Variants in NCALD observed in about 807,000 individuals in gnomAD.
NCALD encodes neurocalcin delta.
A neutral mutation model predicts 18.6 loss-of-function variants in NCALD; 10 were observed. The ratio of observed to expected loss-of-function variants is 0.54; its 90% CI spans 0.33 to 0.91. NCALD has a LOEUF of 0.91. Ranked by LOEUF, NCALD falls within the 40% of genes least tolerant of loss-of-function variation. The pLI is 0.03. For synonymous variants in NCALD, 88 were observed against 87.4 expected (o/e 1.01, Z -0.04); for missense variants, 184 against 247.6 (o/e 0.74, Z 1.72).
At chr8:101,922,342 T>G (rs1353918801) in intron 2 of NCALD, among the ~76,000 whole-genome samples, 1 of 152,172 alleles carries the variant, frequency 6.6e-6, no homozygotes, top group East Asian at 1.9e-4. Flanking sequence ...GTAAGACAAC[T>G]GGGTGAGACC....
chr8:101,795,931 A>C (rs74912450), upstream of NCALD, among the ~76,000 whole-genome samples: 2 of 152,218 alleles, frequency 1.3e-5, no homozygotes, highest in African/African-American at 4.8e-5. Context: ...CCTAAACGGC[A>C]TAAGACAAGA....
intron 2 of NCALD, among the ~76,000 whole-genome samples, chr8:101,916,576 G>A (rs1817977564): frequency 6.6e-6 from 1 of 152,140 alleles, no homozygotes; most frequent in African/African-American, 2.4e-5. Flanking sequence ...GCAGAGAGTA[G>A]CAAGTTGGAT....
At chr8:101,870,278 G>A (rs778717265) in intron 4 of NCALD, among the ~76,000 whole-genome samples, 26 of 152,226 alleles carry the variant, frequency 1.7e-4, no homozygotes, top group East Asian at 9.6e-4. Flanking sequence ...TGTTAGAAAC[G>A]AGTATTTCAG....
At chr8:101,865,127 T>C (rs1294475907) in intron 4 of NCALD, among the ~76,000 whole-genome samples, 2 of 152,192 alleles carry the variant, frequency 1.3e-5, no homozygotes, top group South Asian at 2.1e-4. Context: ...TCTAAGATTA[T>C]GTGCATAAAT....
intron 2 of NCALD, among the ~76,000 whole-genome samples, chr8:101,959,950 C>T (rs751610712): frequency 3.3e-5 from 5 of 149,686 alleles, no homozygotes; most frequent in Admixed American, 6.8e-5. Context: ...TGGGCTCCAA[C>T]GTCCTTCCTG....
rs952658389 is a variant in NCALD, at chr8:101,692,172, C to T, written c.484+619G>A. 6.1e-6 allele frequency: 6 copies of T among 985,304 alleles called. No homozygotes were observed. The Admixed American group carries it at 3.7e-4, about 61-fold the overall frequency. The allele number at this position is 985,304 out of a possible 1,614,324, so 61.0% of individuals were successfully genotyped here. A position where few individuals can be genotyped will look rare whatever the true frequency, so the allele number is the denominator to read the frequency against. ...ATTTAAGATCTAAAATCCTTCTGTT[C>T]TTAAGTTGGAAATGCAACCTTCTTT... On this transcript the variant is annotated intron_variant, in intron 3 of 3. Coordinates refer to ENST00000220931, the MANE Select transcript of NCALD (RefSeq NM_032041.3).
intron 2 of NCALD, among the ~76,000 whole-genome samples, chr8:101,970,919 G>C (rs1820216146): frequency 6.6e-6 from 1 of 152,150 alleles, no homozygotes; most frequent in African/African-American, 2.4e-5. Flanking sequence ...ATGGGGACAG[G>C]TCTCTTATGA....
At chr8:101,788,441 T>C (rs1410538502) in intron 1 of NCALD, among the ~76,000 whole-genome samples, 1 of 152,214 alleles carries the variant, frequency 6.6e-6, no homozygotes, top group East Asian at 1.9e-4. Context: ...ACAGTTGTTG[T>C]AGATATCCTG....
At chr8:102,024,920 T>C (rs1015614896) in intron 1 of NCALD, among the ~76,000 whole-genome samples, 1 of 152,200 alleles carries the variant, frequency 6.6e-6, no homozygotes, top group Non-Finnish European at 1.5e-5. Flanking sequence ...CCTTGTCAAG[T>C]TGCTTTGTTT....
chr8:102,088,555 GAAA>G (rs201483363), intron 1 of NCALD, among the ~76,000 whole-genome samples: 1 of 139,122 alleles, frequency 7.2e-6, no homozygotes, highest in African/African-American at 2.6e-5. Context: ...TGTTTTCGGG[GAAA>G]AAAAAAAAAA....
At chr8:102,067,889 A>G (rs1824059370) in intron 1 of NCALD, among the ~76,000 whole-genome samples, 1 of 152,090 alleles carries the variant, frequency 6.6e-6, no homozygotes, top group African/African-American at 2.4e-5. Context: ...TTCCTGGTCT[A>G]ATACAATTAT....
intron 4 of NCALD, among the ~76,000 whole-genome samples, chr8:101,845,653 C>A (rs950017822): frequency 5.9e-5 from 9 of 152,236 alleles, no homozygotes; most frequent in African/African-American, 2.2e-4. Context: ...TCACCTCCAA[C>A]ATTTATCATT....
intron 2 of NCALD, among the ~76,000 whole-genome samples, chr8:101,929,244 A>C (rs1054267846): frequency 7.1e-5 from 6 of 84,188 alleles, no homozygotes; most frequent in Non-Finnish European, 1.3e-4. Flanking sequence ...GAGGAGGAGG[A>C]GGAGGAGGAA....
intron 1 of NCALD, among the ~76,000 whole-genome samples, chr8:102,083,805 T>C (rs1056437134): frequency 2.0e-5 from 3 of 152,248 alleles, no homozygotes; most frequent in Non-Finnish European, 4.4e-5. Flanking sequence ...CATAACTTTC[T>C]CCCATTTTCT....
At chr8:101,993,662 C>T (rs1262208956) in intron 2 of NCALD, among the ~76,000 whole-genome samples, 1 of 152,206 alleles carries the variant, frequency 6.6e-6, no homozygotes, top group Admixed American at 6.5e-5. Context: ...CTCCCTACTA[C>T]TCCAGGCTGC....
intron 1 of NCALD, among the ~76,000 whole-genome samples, chr8:102,110,767 T>C (rs1825616600): frequency 6.6e-6 from 1 of 152,184 alleles, no homozygotes; most frequent in African/African-American, 2.4e-5. Flanking sequence ...TAGGATATAA[T>C]GTTAAAAGGA....
chr8:101,900,374 G>A (rs1413796279), intron 3 of NCALD, among the ~76,000 whole-genome samples: 1 of 151,264 alleles, frequency 6.6e-6, no homozygotes, highest in East Asian at 1.9e-4. Flanking sequence ...CCTTTCTTAT[G>A]CTTGCTTTGG....
At chr8:101,988,156 A>AAAAAAAAAAAAG (rs1190748442) in intron 2 of NCALD, among the ~76,000 whole-genome samples, 1 of 123,596 alleles carries the variant, frequency 8.1e-6, no homozygotes, top group Non-Finnish European at 1.6e-5. Flanking sequence ...CTCCGTCTCA[A>AAAAAAAAAAAAG]AAAAAAAAAA....
chr8:101,718,526 A>G (rs1379767577), intron 2 of NCALD, among the ~76,000 whole-genome samples: 10 of 152,170 alleles, frequency 6.6e-5, no homozygotes, highest in African/African-American at 2.4e-4. Context: ...GCCCACGAAG[A>G]CTAAATGTTC....
Sources: allele counts gnomAD v4.1 joint callset (sites outside exome capture counted in the v4.1 genomes callset), GRCh38; gene constraint gnomAD v4.1.1; transcripts MANE v1.5; gene names NCBI Gene and HGNC (gene_info 2026-07-23, HGNC 2026-07-21).